CDC16: variants seen among roughly 807,000 people sequenced by gnomAD.
CDC16 encodes the protein cell division cycle protein 16 homolog.
A neutral mutation model predicts 87.0 loss-of-function variants in CDC16; 34 were observed. The observed-to-expected ratio is 0.39, with a 90% CI of 0.30 to 0.52. CDC16 has a LOEUF of 0.52. CDC16 is among the 20% of genes least tolerant of loss of function. The pLI is 0.74. For synonymous variants in CDC16, 263 were observed against 260.6 expected, an observed-to-expected ratio of 1.01 and a Z score of -0.09; for missense variants, 653 against 751.9, an observed-to-expected ratio of 0.87 and a Z score of 1.54.
chr13:114,264,128 T>C (rs1352041992), intron 16 of CDC16: 1 of 152,214 alleles, frequency 6.6e-6, no homozygotes, highest in Non-Finnish European at 1.5e-5. Flanking sequence ...GAAGGTACCA[T>C]GATGGTCACC....
chr13:114,246,140 C>G (rs1370901509), intron 10 of CDC16, 91 bp downstream of exon 10: 2 of 582,766 alleles, frequency 3.4e-6, no homozygotes, highest in African/African-American at 3.9e-5. Context: ...AGCTTAAGTT[C>G]AAGCAAATGA....
rs17290993 is a variant in CDC16, at chr13:114,236,638, T to C, written c.49-7T>C. ...AGTTACCACCTTTTTTTTTTTTTGGTATGCAGCAACAGTATCAAAGTGCTC... is the reference window on the plus strand; with the variant it reads ...AGTTACCACCTTTTTTTTTTTTTGGCATGCAGCAACAGTATCAAAGTGCTC... On this transcript the variant is annotated splice_polypyrimidine_tract_variant and splice_region_variant and intron_variant, in intron 1 of 17. Transcript: ENST00000356221. The C allele has an allele frequency of 3.2e-4, 511 of 1,605,954 alleles. 4 individuals are homozygous for C. In the African/African-American group the frequency reaches 6.1e-3, roughly 19 times the overall value.
At chr13:114,239,079 ATG>A (rs766589850) in intron 4 of CDC16, 51 bp downstream of exon 4, 119 of 1,581,584 alleles carry the variant, frequency 7.5e-5, no homozygotes, top group Non-Finnish European at 9.3e-5. Flanking sequence ...AATGAGTGTT[ATG>A]CATCTCTTAA....
At chr13:114,260,515 G>A (rs1288971629) in intron 14 of CDC16, among the ~76,000 whole-genome samples, 3 of 152,166 alleles carry the variant, frequency 2.0e-5, no homozygotes, top group African/African-American at 4.8e-5. Flanking sequence ...CAGTTTTAGC[G>A]TGATGCCCAG....
chr13:114,271,386 A>G (rs1290547737), intron 17 of CDC16, among the ~76,000 whole-genome samples: 1 of 152,146 alleles, frequency 6.6e-6, no homozygotes, highest in Non-Finnish European at 1.5e-5. Context: ...AATCTATATT[A>G]CCCTTAAGGT....
intron 11 of CDC16, 59 bp from the exon 12 acceptor site, chr13:114,250,490 T>G: frequency 8.4e-7 from 1 of 1,190,940 alleles, no homozygotes; most frequent in Non-Finnish European, 1.1e-6. Context: ...AGACTTTGTC[T>G]CAAAAAAAAA....
chr13:114,244,104 T>C (rs912404358), intron 8 of CDC16, 115 bp downstream of exon 8: 7 of 740,658 alleles, frequency 9.5e-6, no homozygotes, highest in African/African-American at 5.3e-5. Flanking sequence ...TTAAGTTATC[T>C]TTACCAATTG....
chr13:114,246,250 A>G (rs927908061), intron 10 of CDC16, among the ~76,000 whole-genome samples: 1 of 152,258 alleles, frequency 6.6e-6, no homozygotes, highest in Non-Finnish European at 1.5e-5. Flanking sequence ...TAATTATACC[A>G]AAGCAAAAAG....
At chr13:114,255,591 TA>T (rs111984756) in intron 12 of CDC16, among the ~76,000 whole-genome samples, 85 of 143,930 alleles carry the variant, frequency 5.9e-4, no homozygotes, top group African/African-American at 6.6e-4. Context: ...ATTCCAAAAT[TA>T]AAAAAAAAAA....
Position 114,243,961 on chromosome 13 carries a change from T to G in CDC16, c.739T>G (p.Phe247Val), listed in dbSNP as rs756657620. 3 of 1,609,146 alleles carry G rather than the reference T, an allele frequency of 1.9e-6. No individual in the cohort carries two copies. The East Asian group carries it at 6.7e-5, about 36-fold the overall frequency. The change falls in exon 8 of 18, where the codon TTT (phenylalanine) becomes GTT (valine). Residue 247 changes from phenylalanine to valine, a missense_variant. By Grantham distance (50) the Phe-to-Val change is conservative (BLOSUM62 -1). Transcript: ENST00000356221. ...LAERHYYNCD[F>V]KMCYKLTSVV... ...TGAGAGACATTATTATAACTGTGAT[T>G]TTAAAATGTGCTACAAGCTTACTTC... is the stretch of plus-strand genomic sequence containing the variant.
At chr13:114,266,606 C>T (rs920490642) in intron 17 of CDC16, among the ~76,000 whole-genome samples, 3 of 152,204 alleles carry the variant, frequency 2.0e-5, no homozygotes, top group East Asian at 1.9e-4. Context: ...ACCTGGGTTT[C>T]GTTTCCTGCT....
chr13:114,239,138 A>G, intron 4 of CDC16, 110 bp downstream of exon 4: 1 of 1,489,846 alleles, frequency 6.7e-7, no homozygotes, highest in South Asian at 1.2e-5. Flanking sequence ...TTAGTAAAGT[A>G]TTTCATGAGG....
intron 12 of CDC16, among the ~76,000 whole-genome samples, chr13:114,252,619 A>G (rs1053149824): frequency 3.4e-5 from 5 of 148,604 alleles, no homozygotes; most frequent in African/African-American, 5.1e-5. Flanking sequence ...TATTTCCCCT[A>G]TGTATCAATA....
chr13:114,247,316 G>A, intron 11 of CDC16: 1 of 264,612 alleles, frequency 3.8e-6, no homozygotes, highest in South Asian at 6.5e-5. Flanking sequence ...GCACCACCAT[G>A]CCTAGCTGAT....
intron 12 of CDC16, 34 bp downstream of exon 12, chr13:114,250,708 G>A: frequency 6.2e-7 from 1 of 1,604,420 alleles, no homozygotes; most frequent in Non-Finnish European, 8.5e-7. Context: ...ACTCCATGAA[G>A]GGATGTTTTT....
chr13:114,256,028 T>A (rs2082475585), intron 12 of CDC16, among the ~76,000 whole-genome samples: 1 of 152,266 alleles, frequency 6.6e-6, no homozygotes, highest in South Asian at 2.1e-4. Context: ...GCTAGGCTAA[T>A]GGCTTTACAA....
rs528812724 is a variant in CDC16 at position 114,246,372 on chromosome 13, A to G, written c.897+323A>G. On this transcript the variant is annotated intron_variant, in intron 10 of 17. Transcript: ENST00000356221. ...GACAGTCACGCCTCCCTTTCCTAAG[A>G]AATGTGGATAATTGTTTGGCAGCTT... Among the ~76,000 whole-genome samples the G allele has an allele frequency of 2.0e-5, 3 of 152,368 alleles. No homozygotes were observed. The South Asian group carries it at 6.2e-4, about 32-fold the overall frequency.
At chr13:114,241,227 G>T (rs537796056) in intron 5 of CDC16, among the ~76,000 whole-genome samples, 19 of 152,288 alleles carry the variant, frequency 1.2e-4, no homozygotes, top group African/African-American at 4.6e-4. Flanking sequence ...ACTTCTATAA[G>T]TTAGATAGTA....
intron 12 of CDC16, 64 bp from the exon 13 acceptor site, chr13:114,257,014 C>A: frequency 9.7e-7 from 1 of 1,033,066 alleles, no homozygotes; most frequent in Non-Finnish European, 1.4e-6. Context: ...TTGAAGTTGA[C>A]AGATTAATTT....
Sources: allele counts gnomAD v4.1 joint callset (sites outside exome capture counted in the v4.1 genomes callset), GRCh38; gene constraint gnomAD v4.1.1; transcripts MANE v1.5; gene names NCBI Gene and HGNC (gene_info 2026-07-23, HGNC 2026-07-21).